ZC3H15: variants seen among roughly 807,000 people sequenced by gnomAD.
The protein encoded by ZC3H15 is zinc finger CCCH domain-containing protein 15.
In ZC3H15, 15 loss-of-function variants were observed where a neutral mutation model predicts 51.2. The observed-to-expected ratio is 0.29, with a 90% confidence interval of 0.20 to 0.45. The LOEUF (loss-of-function observed/expected upper bound fraction) is 0.45, where lower values mean the gene tolerates loss of function less well. ZC3H15 is among the 20% of genes least tolerant of loss of function. The pLI, the probability that ZC3H15 is intolerant of heterozygous loss-of-function variation, is 1.00. For synonymous variants in ZC3H15, 144 were observed against 162.8 expected, an observed-to-expected ratio of 0.88 and a Z score of 0.88; for missense variants, 381 against 494.7, an observed-to-expected ratio of 0.77 and a Z score of 2.18.
At chr2:186,499,936 A>G (rs1376218400) in intron 2 of ZC3H15, among the ~76,000 whole-genome samples, 1 of 152,234 alleles carries the variant, frequency 6.6e-6, no homozygotes, top group Non-Finnish European at 1.5e-5. Flanking sequence ...CTGAGCATGT[A>G]GTAAGTGCTT....
chr2:186,509,186 T>G lies in ZC3H15; in HGVS notation c.*453T>G. The G allele has an allele frequency of 3.1e-6, 1 of 326,558 alleles. No individual in the cohort carries two copies. Among genetic ancestry groups the G allele is most frequent in the Non-Finnish European group, 6.0e-6 (1 of 167,938 alleles). 20.2% of individuals were successfully genotyped at this position (326,558 alleles called of 1,614,324 possible). A position where few individuals can be genotyped will look rare whatever the true frequency, so the allele number is the denominator to read the frequency against. The stretch of plus-strand genomic sequence containing the variant: ...GAGCACTGTACTTCATAAAGGAAAC[T>G]GCGTATGCAGATTCAGTATTGTGTA... On this transcript the variant is annotated 3_prime_UTR_variant, in exon 10 of 10. Coordinates refer to ENST00000337859, the MANE Select transcript of ZC3H15 (RefSeq NM_018471.3).
intron 6 of ZC3H15, 109 bp from the exon 7 acceptor site, chr2:186,505,342 T>G: frequency 1.6e-6 from 2 of 1,274,446 alleles, no homozygotes; most frequent in Non-Finnish European, 2.1e-6. Context: ...CAATGTAATA[T>G]CTTCAGGATA....
intron 1 of ZC3H15, among the ~76,000 whole-genome samples, chr2:186,492,816 A>T (rs563585232): frequency 9.9e-4 from 151 of 152,296 alleles, no homozygotes; most frequent in Admixed American, 1.7e-3. Context: ...AAATAATAGC[A>T]AAATAAAGGC....
At chr2:186,506,980 A>C in intron 9 of ZC3H15, 144 bp downstream of exon 9, 1 of 919,884 alleles carries the variant, frequency 1.1e-6, no homozygotes, top group Non-Finnish European at 1.6e-6. Context: ...AGCAGTAATA[A>C]ATAGTGAAAG....
At chr2:186,500,031 A>ATT in intron 2 of ZC3H15, 151 bp from the exon 3 acceptor site, 1 of 646,626 alleles carries the variant, frequency 1.5e-6, no homozygotes, top group Non-Finnish European at 2.6e-6. Flanking sequence ...TAACCACAAC[A>ATT]TTGAATAGAC....
At position 186,500,278 on chromosome 2, in the gene ZC3H15, C is replaced by A; in HGVS notation, c.274C>A (p.Gln92Lys). The change falls in exon 3 of 10, where the codon CAA becomes AAA. Residue 92 changes from glutamine (Q) to lysine (K), a missense_variant. By Grantham distance (53) the Gln-to-Lys change is moderately conservative. Transcript: ENST00000337859. Reference sequence around the variant, plus strand: ...GCTGTTCAAACCTGTAGTTGCTGCTCAAAAAATAAGTAAAGGTAAACTTAA... The same window carrying A: ...GCTGTTCAAACCTGTAGTTGCTGCTAAAAAAATAAGTAAAGGTAAACTTAA... The part of the protein sequence containing the change: ...NELFKPVVAA[Q>K]KISKGADPKS... 6.2e-7 allele frequency: 1 copy of A among 1,604,340 alleles called. No individual in the cohort carries two copies. The highest frequency in any genetic ancestry group is 1.1e-5 in the South Asian group (1 of 88,154).
At chr2:186,499,353 C>T (rs1013013975) in intron 2 of ZC3H15, among the ~76,000 whole-genome samples, 1 of 152,190 alleles carries the variant, frequency 6.6e-6, no homozygotes, top group Admixed American at 6.5e-5. Flanking sequence ...AAGCATCTTA[C>T]TGATGTTTCT....
chr2:186,502,883 A>G (rs1203457830), intron 5 of ZC3H15, among the ~76,000 whole-genome samples: 1 of 152,170 alleles, frequency 6.6e-6, no homozygotes, highest in East Asian at 1.9e-4. Context: ...CCAGACAAAA[A>G]TCCCTATTTT....
rs2105593978 is a variant in ZC3H15 at position 186,505,474 on chromosome 2, T to C, written c.741T>C (p.Val247=). 1.3e-6 allele frequency: 2 copies of C among 1,572,860 alleles called. No homozygotes were observed. The highest frequency in any genetic ancestry group is 2.4e-5 in the South Asian group (2 of 82,786). The part of the protein sequence containing the change: ...ERERSALGPN[V]TKITLESFLA... ...AGCGTTCTGCCCTAGGTCCAAATGT[T>C]ACCAAAATCACTCTAGAATCTTTTC... The change falls in exon 7 of 10, where the codon GTT becomes GTC. Residue 247 remains valine (V), a synonymous_variant. Coordinates refer to ENST00000337859, the MANE Select transcript of ZC3H15 (RefSeq NM_018471.3).
chr2:186,506,643 A>T (rs1191077555), intron 8 of ZC3H15, 70 bp from the exon 9 acceptor site: 1 of 1,519,194 alleles, frequency 6.6e-7, no homozygotes, highest in East Asian at 2.3e-5. Flanking sequence ...TGGCTCATTA[A>T]GATAAATGTC....
chr2:186,487,265 A>G (rs1300653167), intron 1 of ZC3H15: 3 of 152,310 alleles, frequency 2.0e-5, no homozygotes, highest in Admixed American at 6.5e-5. Context: ...ACGTTCTTAC[A>G]TGTTGTGCAC....
At chr2:186,500,161 T>C in intron 2 of ZC3H15, 21 bp from the exon 3 acceptor site, 1 of 1,578,408 alleles carries the variant, frequency 6.3e-7, no homozygotes, top group Middle Eastern at 1.7e-4. Flanking sequence ...AATTTACATT[T>C]TAAACCTGGG....
At chr2:186,494,597 C>G (rs1312434885) in intron 1 of ZC3H15, among the ~76,000 whole-genome samples, 2 of 152,166 alleles carry the variant, frequency 1.3e-5, no homozygotes, top group African/African-American at 4.8e-5. Flanking sequence ...ATGTATTTAA[C>G]TACAGGACTT....
chr2:186,486,440 A>G lies in ZC3H15; in HGVS notation c.58A>G (p.Lys20Glu). 1.3e-6 allele frequency: 2 copies of G among 1,569,692 alleles called. No homozygotes were observed. The highest frequency in any genetic ancestry group is 1.7e-6 in the Non-Finnish European group (2 of 1,155,822). Residue 20 changes from lysine (K) to glutamate (E), a missense_variant, in exon 1 of 10, where the codon AAG becomes GAG. Physicochemically the swap from Lys to Glu is moderately conservative, Grantham distance 56. Coordinates refer to ENST00000337859, the MANE Select transcript of ZC3H15 (RefSeq NM_018471.3). ...GGSKKAEQKKKEKIIEDKTFG... is the reference protein window; with the variant it reads ...GGSKKAEQKKEEKIIEDKTFG... ...CAGCAAAAAGGCGGAGCAAAAAAAG[A>G]AGGAGAAGATTATCGAAGTGAGTAC...
At chr2:186,506,161 G>A (rs1685464300) in intron 8 of ZC3H15, 1 of 384,236 alleles carries the variant, frequency 2.6e-6, no homozygotes, top group African/African-American at 2.1e-5. Flanking sequence ...CTAAAAGAGA[G>A]AGTTATTTTT....
In ZC3H15 at chr2:186,509,027, T is replaced by C. The variant is rs549837177; in HGVS notation, c.*294T>C. On this transcript the variant is annotated 3_prime_UTR_variant, in exon 10 of 10. Coordinates refer to ENST00000337859, the MANE Select transcript of ZC3H15 (RefSeq NM_018471.3). ...AGAAGTGTATCTGCCTTTCCATCTT[T>C]TGGTTTTCATTTGGGCATGTGCTAT... The C allele has an allele frequency of 2.9e-5, 15 of 513,440 alleles. No individual in the cohort carries two copies. The highest frequency in any genetic ancestry group is 2.0e-4 in the South Asian group (13 of 65,002). The allele number at this position is 513,440 out of a possible 1,614,324, so 31.8% of individuals were successfully genotyped here.
rs751588941 is a variant in ZC3H15 at position 186,505,410 on chromosome 2, G to A, written c.718-41G>A. The A allele has an allele frequency of 1.8e-5, 27 of 1,509,374 alleles. No homozygotes were observed. The East Asian group carries it at 5.2e-4, about 29-fold the overall frequency. The allele number at this position is 1,509,374 out of a possible 1,614,324, so 93.5% of individuals were successfully genotyped here. On this transcript the variant is annotated intron_variant, in intron 6 of 9. Coordinates refer to ENST00000337859, the MANE Select transcript of ZC3H15 (RefSeq NM_018471.3). ...TAACTGCAACTAAGCACTATTTGAG[G>A]TGACTTCTGTGGAAAAAAAATTAAT...
Position 186,504,017 on chromosome 2 carries a change from A to T in ZC3H15, c.535-15A>T. ...TACACTGAGCCACCGCTTGTGAATA[A>T]TATTGTCTCTATAGGTGTGCAAGCA... On this transcript the variant is annotated splice_polypyrimidine_tract_variant and intron_variant, in intron 5 of 9. Coordinates refer to ENST00000337859, the MANE Select transcript of ZC3H15 (RefSeq NM_018471.3). 1 of 1,544,468 alleles carries T rather than the reference A, an allele frequency of 6.5e-7. No individual in the cohort carries two copies. The highest frequency in any genetic ancestry group is 8.7e-7 in the Non-Finnish European group (1 of 1,147,328).
intron 3 of ZC3H15, 44 bp downstream of exon 3, chr2:186,500,337 T>C: frequency 1.4e-6 from 2 of 1,443,244 alleles, no homozygotes; most frequent in Non-Finnish European, 1.9e-6. Flanking sequence ...TCAAATGTAG[T>C]TTATGCTAAA....
Sources: gnomAD v4.1 joint callset for allele counts (sites outside exome capture counted in the v4.1 genomes callset) on GRCh38, gnomAD v4.1.1 for gene constraint, MANE v1.5 for transcripts, NCBI Gene and HGNC (gene_info 2026-07-23, HGNC 2026-07-21) for gene names.